The following LRRC39 variants were observed in gnomAD, a reference collection of about 807,000 sequenced individuals.
The protein encoded by LRRC39 is leucine-rich repeat-containing protein 39.
In LRRC39, 35 loss-of-function variants were observed where a neutral mutation model predicts 39.7. That is an observed-to-expected ratio of 0.88 (90% CI 0.67 to 1.17). The LOEUF is 1.17. LRRC39 is among the 50% of genes most tolerant of loss of function. The pLI is 0.00. For synonymous variants in LRRC39, 113 were observed against 134.1 expected, an observed-to-expected ratio of 0.84 and a Z score of 1.09; for missense variants, 357 against 385.8, an observed-to-expected ratio of 0.93 and a Z score of 0.62.
intron 6 of LRRC39, among the ~76,000 whole-genome samples, chr1:100,157,073 A>T (rs1233453714): frequency 1.3e-5 from 2 of 152,218 alleles, no homozygotes; most frequent in South Asian, 2.1e-4. Context: ...ATGAGTTAGA[A>T]ATAAAATATT....
intron 3 of LRRC39, among the ~76,000 whole-genome samples, chr1:100,166,737 A>G (rs761232167): frequency 6.6e-6 from 1 of 152,138 alleles, no homozygotes; most frequent in Non-Finnish European, 1.5e-5. Context: ...AGAAAAACCC[A>G]TTTTCTGAGG....
At chr1:100,165,341 C>A (rs1002001559) in intron 3 of LRRC39, among the ~76,000 whole-genome samples, 4 of 152,174 alleles carry the variant, frequency 2.6e-5, no homozygotes, top group Non-Finnish European at 5.9e-5. Flanking sequence ...ACTGCACACT[C>A]ATTATTCCTA....
chr1:100,175,832 A>T (rs972391975), intron 1 of LRRC39, among the ~76,000 whole-genome samples: 3 of 152,234 alleles, frequency 2.0e-5, no homozygotes, highest in Admixed American at 6.5e-5. Context: ...ACATAATAAG[A>T]TACCAATGAA....
intron 3 of LRRC39, among the ~76,000 whole-genome samples, chr1:100,167,787 T>G (rs989661269): frequency 6.7e-4 from 62 of 93,204 alleles, no homozygotes; most frequent in African/African-American, 3.7e-3. Flanking sequence ...AAAATAATAA[T>G]AATAATAATA....
rs544216868 is a variant in LRRC39, at chr1:100,160,372, T to G, written c.219+94A>C. The G allele has an allele frequency of 2.2e-5, 17 of 787,122 alleles. No individual in the cohort carries two copies. In the African/African-American group the frequency reaches 3.0e-4, roughly 14 times the overall value. The allele number at this position is 787,122 out of a possible 1,614,324, so 48.8% of individuals were successfully genotyped here. A position where few individuals can be genotyped will look rare whatever the true frequency, so the allele number is the denominator to read the frequency against. On this transcript the variant is annotated intron_variant, in intron 4 of 9. Transcript: ENST00000370137. ...TGTATTATTAAAATTAGTTTCTAAC[T>G]ATTCTAGTCTTAATTACACAGTCTC...
chr1:100,159,516 A>AT, intron 4 of LRRC39, 101 bp from the exon 5 acceptor site: 1 of 939,908 alleles, frequency 1.1e-6, no homozygotes, highest in South Asian at 4.3e-5. Flanking sequence ...ACTTTGGAAT[A>AT]TTTGGAATTT....
intron 3 of LRRC39, 65 bp downstream of exon 3, chr1:100,168,339 C>T (rs1385619281): frequency 1.6e-6 from 2 of 1,213,594 alleles, no homozygotes; most frequent in Non-Finnish European, 2.3e-6. Flanking sequence ...TTAGAATGCT[C>T]TTTTTTATGG....
At chr1:100,179,002 A>G (rs762060913), upstream of LRRC39, among the ~76,000 whole-genome samples, 6 of 152,218 alleles carry the variant, frequency 3.9e-5, no homozygotes, top group African/African-American at 9.7e-5. Context: ...ATGCACACAT[A>G]CAAAAATGGT....
At chr1:100,177,934 T>C (rs1284310669) in intron 1 of LRRC39, among the ~76,000 whole-genome samples, 1 of 152,226 alleles carries the variant, frequency 6.6e-6, no homozygotes, top group Non-Finnish European at 1.5e-5. Context: ...TTCTTACTTC[T>C]GGGGAAATCT....
At chr1:100,176,676 G>C (rs1025116873) in intron 1 of LRRC39, among the ~76,000 whole-genome samples, 2 of 152,170 alleles carry the variant, frequency 1.3e-5, no homozygotes, top group African/African-American at 4.8e-5. Flanking sequence ...GTGCAGGAAA[G>C]GAGAATCTAT....
Position 100,152,416 on chromosome 1 carries a change from G to A in LRRC39, c.921C>T (p.His307=). The change falls in exon 9 of 10, where the codon CAC becomes CAT. Residue 307 remains histidine (H), a synonymous_variant. Transcript: ENST00000370137. ...ERELFGLQFM[H]TYIQESRRRA... ...TTCTCCGTGACTCTTGTATGTATGT[G>A]TGCATAAACTGAAGGCCAAATAATT... 1 of 1,614,004 alleles carries A rather than the reference G, an allele frequency of 6.2e-7. No homozygotes were observed. Among genetic ancestry groups the A allele is most frequent in the Non-Finnish European group, 8.5e-7 (1 of 1,179,978 alleles).
intron 1 of LRRC39, among the ~76,000 whole-genome samples, chr1:100,177,639 A>G (rs1660053677): frequency 6.6e-6 from 1 of 152,236 alleles, no homozygotes; most frequent in African/African-American, 2.4e-5. Flanking sequence ...TACTCGAATA[A>G]AAATATTTTT....
intron 2 of LRRC39, among the ~76,000 whole-genome samples, chr1:100,171,267 A>G (rs148823953): frequency 1.3e-5 from 2 of 152,294 alleles, no homozygotes; most frequent in African/African-American, 4.8e-5. Flanking sequence ...ATAAAGAACT[A>G]TATCCTACAA....
intron 3 of LRRC39, among the ~76,000 whole-genome samples, chr1:100,166,203 G>A (rs1009293298): frequency 6.6e-6 from 1 of 152,136 alleles, no homozygotes; most frequent in Non-Finnish European, 1.5e-5. Flanking sequence ...CCAGTCTCAG[G>A]TATGTCTTTA....
At chr1:100,164,482 T>C (rs1232754775) in intron 3 of LRRC39, among the ~76,000 whole-genome samples, 1 of 152,214 alleles carries the variant, frequency 6.6e-6, no homozygotes, top group African/African-American at 2.4e-5. Context: ...ATAAGATCCC[T>C]ATGGGATTCC....
intron 3 of LRRC39, among the ~76,000 whole-genome samples, chr1:100,161,564 C>A (rs1041808008): frequency 1.3e-5 from 2 of 152,098 alleles, no homozygotes; most frequent in African/African-American, 4.8e-5. Context: ...TATTGATGTA[C>A]AAATTTTTGT....
chr1:100,173,677 A>G (rs1186442348), intron 1 of LRRC39, among the ~76,000 whole-genome samples: 1 of 152,198 alleles, frequency 6.6e-6, no homozygotes, highest in East Asian at 1.9e-4. Flanking sequence ...AATAAAAAAC[A>G]AAAGGACATT....
In LRRC39 at chr1:100,152,482, T is replaced by C. The variant is rs1658122503; in HGVS notation, c.855A>G (p.Ser285=). ...FRDNPLKLKV[S]LPPSEGTDEE... ...CATCTGTGCCTTCACTGGGAGGAAGTGATACTTTCAATTTCAGTGGGTTGT... is the reference window on the plus strand; with the variant it reads ...CATCTGTGCCTTCACTGGGAGGAAGCGATACTTTCAATTTCAGTGGGTTGT... The change falls in exon 9 of 10, where the codon TCA becomes TCG. Residue 285 remains serine, a synonymous_variant. Coordinates refer to ENST00000370137, the MANE Select transcript of LRRC39 (RefSeq NM_144620.4). The C allele has an allele frequency of 6.2e-7, 1 of 1,614,032 alleles. No individual in the cohort carries two copies. The highest frequency in any genetic ancestry group is 1.1e-5 in the South Asian group (1 of 91,066).
At chr1:100,175,352 T>G (rs915735555) in intron 1 of LRRC39, among the ~76,000 whole-genome samples, 7 of 150,538 alleles carry the variant, frequency 4.6e-5, no homozygotes, top group Non-Finnish European at 1.0e-4. Flanking sequence ...TGTGCCAGTT[T>G]TTTTTTTTTT....
Sources: gnomAD v4.1 joint callset for allele counts (sites outside exome capture counted in the v4.1 genomes callset) on GRCh38, gnomAD v4.1.1 for gene constraint, MANE v1.5 for transcripts, NCBI Gene and HGNC (gene_info 2026-07-23, HGNC 2026-07-21) for gene names.